Variants in MYRIP observed in about 807,000 individuals in gnomAD.
MYRIP encodes myosin VIIA and Rab interacting protein.
In MYRIP, 49 loss-of-function variants were observed where a neutral mutation model predicts 98.0. The ratio of observed to expected loss-of-function variants is 0.50; its 90% CI spans 0.40 to 0.63. The LOEUF (loss-of-function observed/expected upper bound fraction) is 0.63, where lower values mean the gene tolerates loss of function less well. Ranked by LOEUF, MYRIP falls within the 30% of genes least tolerant of loss-of-function variation. The probability of loss-of-function intolerance (pLI) is 0.00; values close to 1 mark genes in which losing one functional copy is unlikely to be tolerated. For synonymous variants in MYRIP, 404 were observed against 409.5 expected, an observed-to-expected ratio of 0.99 and a Z score of 0.16; for missense variants, 1,004 against 1,058.2, an observed-to-expected ratio of 0.95 and a Z score of 0.71.
intron 1 of MYRIP, among the ~76,000 whole-genome samples, chr3:39,867,269 C>T (rs1030855066): frequency 1.3e-5 from 2 of 152,020 alleles, no homozygotes; most frequent in Non-Finnish European, 2.9e-5. Flanking sequence ...TTGGCTTTAG[C>T]AATGATTTTT....
chr3:40,125,758 C>T (rs1004411445), intron 3 of MYRIP, among the ~76,000 whole-genome samples: 1 of 152,166 alleles, frequency 6.6e-6, no homozygotes, highest in African/African-American at 2.4e-5. Context: ...CACACGTCTT[C>T]TCACTTCTCT....
intron 2 of MYRIP, among the ~76,000 whole-genome samples, chr3:39,946,231 G>C (rs950434080): frequency 6.6e-6 from 1 of 152,028 alleles, no homozygotes; most frequent in Non-Finnish European, 1.5e-5. Flanking sequence ...CAAAGTCAAC[G>C]TGATTACCAG....
chr3:40,098,742 G>GTGTGTGTGTGTGTA (rs1948881277), intron 3 of MYRIP, among the ~76,000 whole-genome samples: 1 of 146,450 alleles, frequency 6.8e-6, no homozygotes, highest in Non-Finnish European at 1.5e-5. Flanking sequence ...CTCTCTCATT[G>GTGTGTGTGTGTGTA]TGTGTGTGTG....
At chr3:39,979,833 T>C (rs1945846001) in intron 2 of MYRIP, among the ~76,000 whole-genome samples, 3 of 152,166 alleles carry the variant, frequency 2.0e-5, no homozygotes, top group Admixed American at 2.0e-4. Flanking sequence ...ATCACATAAA[T>C]ACTTTGTCAC....
chr3:40,142,932 G>A (rs752202481), intron 3 of MYRIP, among the ~76,000 whole-genome samples: 9 of 152,202 alleles, frequency 5.9e-5, no homozygotes, highest in Non-Finnish European at 1.2e-4. Flanking sequence ...GTTTGATTAT[G>A]AGAGAAAATG....
intron 3 of MYRIP, among the ~76,000 whole-genome samples, chr3:40,139,242 G>T (rs1458924684): frequency 4.6e-5 from 7 of 151,830 alleles, no homozygotes. Context: ...CCTTTTTGGG[G>T]GCTAAACCTT....
At position 40,135,014 on chromosome 3, in the gene MYRIP, C is replaced by T. The variant is rs9850849; in HGVS notation, c.333-16034C>T. On this transcript the variant is annotated intron_variant, in intron 3 of 16. Transcript: ENST00000302541. ...AAGGAACGCAGCTCCTCACCAGCAA[C>T]GGAACAAAGCTGGATGGAGAATGAC... Among the ~76,000 whole-genome samples the T allele has an allele frequency of 8.9e-3, 1,353 of 152,256 alleles. 26 individuals carry two copies. Among genetic ancestry groups the T allele is most frequent in the African/African-American group, 0.031 (1,294 of 41,532 alleles).
At chr3:40,124,650 A>T (rs1355570085) in intron 3 of MYRIP, among the ~76,000 whole-genome samples, 2 of 152,132 alleles carry the variant, frequency 1.3e-5, no homozygotes, top group African/African-American at 2.4e-5. Flanking sequence ...CAAGGTGGGT[A>T]TTTAGGATTT....
intron 1 of MYRIP, among the ~76,000 whole-genome samples, chr3:39,861,110 C>T (rs9832862): frequency 0.04 from 6,066 of 152,268 alleles, 294 homozygotes; most frequent in East Asian, 0.13. Context: ...GACCAGTGGT[C>T]CAGGAACATG....
intron 3 of MYRIP, among the ~76,000 whole-genome samples, chr3:40,070,082 C>T (rs1948194434): frequency 6.6e-6 from 1 of 152,102 alleles, no homozygotes; most frequent in Admixed American, 6.5e-5. Context: ...CTGTGAATGA[C>T]ACAATTTCAG....
chr3:39,960,756 G>T (rs192332727), intron 2 of MYRIP, among the ~76,000 whole-genome samples: 1 of 152,292 alleles, frequency 6.6e-6, no homozygotes, highest in Admixed American at 6.5e-5. Context: ...GGTTGCTAAT[G>T]AGGGAATCAA....
At chr3:40,085,168 A>T (rs1398160048) in intron 3 of MYRIP, among the ~76,000 whole-genome samples, 1 of 146,794 alleles carries the variant, frequency 6.8e-6, no homozygotes, top group Non-Finnish European at 1.5e-5. Flanking sequence ...TTATATATCC[A>T]CAGATAATAT....
At chr3:40,017,999 G>A (rs1304933381) in intron 2 of MYRIP, among the ~76,000 whole-genome samples, 1 of 152,186 alleles carries the variant, frequency 6.6e-6, no homozygotes, top group East Asian at 1.9e-4. Flanking sequence ...CAAAATGAGA[G>A]AATTGAGACC....
intron 2 of MYRIP, among the ~76,000 whole-genome samples, chr3:40,034,911 A>C (rs548730221): frequency 6.6e-6 from 1 of 151,886 alleles, no homozygotes; most frequent in African/African-American, 2.4e-5. Flanking sequence ...GGATGAGTTC[A>C]TGTCCTTTGT....
At chr3:40,113,457 T>G (rs1949203174) in intron 3 of MYRIP, among the ~76,000 whole-genome samples, 1 of 152,050 alleles carries the variant, frequency 6.6e-6, no homozygotes, top group Non-Finnish European at 1.5e-5. Context: ...GAAGAAAGTT[T>G]ATTAAAAAGA....
At chr3:40,043,958 G>GGGA (rs1947607418) in intron 2 of MYRIP, 92 bp from the exon 3 acceptor site, 1 of 1,210,308 alleles carries the variant, frequency 8.3e-7, no homozygotes, top group Admixed American at 2.1e-5. Context: ...CTTGGCCTAA[G>GGGA]GGAGGGACAG....
intron 13 of MYRIP, among the ~76,000 whole-genome samples, chr3:40,245,981 C>G (rs535161631): frequency 6.9e-6 from 1 of 145,324 alleles, no homozygotes; most frequent in Non-Finnish European, 1.5e-5. Context: ...AGACTGGTCT[C>G]GAACTCCTGA....
intron 1 of MYRIP, among the ~76,000 whole-genome samples, chr3:39,848,444 A>G (rs1210679396): frequency 1.3e-5 from 2 of 149,676 alleles, no homozygotes; most frequent in Non-Finnish European, 3.0e-5. Context: ...AGGATATTAA[A>G]TAGTTTCCTT....
chr3:40,190,060 C>A lies in MYRIP; in HGVS notation c.1262C>A (p.Pro421His). ...CPRSRALPRN[P>H]QPQPTQAQSS... ...AGGTCCCGGGCCCTGCCCAGGAACC[C>A]CCAGCCTCAGCCCACACAGGCCCAG... Residue 421 changes from proline (P) to histidine (H), a missense_variant, in exon 10 of 17, where the codon CCC becomes CAC. Around this residue, in one of 3 missense-constraint regions of MYRIP, gnomAD observed 880 missense variants for 907.7 expected, o/e 0.97. Coordinates refer to ENST00000302541, the MANE Select transcript of MYRIP (RefSeq NM_015460.4). 3 of 1,614,000 alleles carry A rather than the reference C, an allele frequency of 1.9e-6. No individual in the cohort carries two copies. The highest frequency in any genetic ancestry group is 1.7e-6 in the Non-Finnish European group (2 of 1,179,948).
Sources: gnomAD v4.1 joint callset for allele counts (sites outside exome capture counted in the v4.1 genomes callset) on GRCh38, gnomAD v4.1.1 for gene constraint, gnomAD v4.1.1 regional missense constraint, MANE v1.5 for transcripts, NCBI Gene and HGNC (gene_info 2026-07-23, HGNC 2026-07-21) for gene names.